The following PRKCA variants were observed in gnomAD, a reference collection of about 807,000 sequenced individuals.
PRKCA encodes the protein protein kinase C alpha type.
Under a neutral mutation model 87.0 loss-of-function variants are expected in PRKCA, and 27 were observed. The observed-to-expected ratio is 0.31, with a 90% CI of 0.23 to 0.43. PRKCA has a LOEUF of 0.43. Ranked by LOEUF, PRKCA falls within the 20% of genes least tolerant of loss-of-function variation. PRKCA has a pLI of 1.00. For missense variants in PRKCA, 518 were observed against 852.3 expected (o/e 0.61, Z 4.88); for synonymous variants, 329 against 311.1 (o/e 1.06, Z -0.61).
intron 3 of PRKCA, among the ~76,000 whole-genome samples, chr17:66,603,303 G>C (rs1256581438): frequency 6.6e-6 from 1 of 152,174 alleles, no homozygotes; most frequent in Non-Finnish European, 1.5e-5. Flanking sequence ...AAAGGAGCCA[G>C]AGAACACTAT....
intron 2 of PRKCA, among the ~76,000 whole-genome samples, chr17:66,383,530 C>A (rs1909886802): frequency 6.6e-6 from 1 of 152,136 alleles, no homozygotes; most frequent in African/African-American, 2.4e-5. Context: ...CCATCTGTTT[C>A]TGTTTAACAA....
intron 3 of PRKCA, among the ~76,000 whole-genome samples, chr17:66,626,730 C>T (rs1282069099): frequency 6.6e-6 from 1 of 152,112 alleles, no homozygotes; most frequent in Non-Finnish European, 1.5e-5. Context: ...TGGTCTCAAA[C>T]TCCTGGATTC....
At chr17:66,376,904 C>T (rs1296633384) in intron 2 of PRKCA, among the ~76,000 whole-genome samples, 3 of 152,148 alleles carry the variant, frequency 2.0e-5, no homozygotes, top group Non-Finnish European at 2.9e-5. Context: ...CTGCTGGTTT[C>T]AAGTGGTGGA....
intron 5 of PRKCA, among the ~76,000 whole-genome samples, chr17:66,680,836 A>T (rs1972471079): frequency 1.3e-5 from 2 of 152,188 alleles, no homozygotes; most frequent in South Asian, 2.1e-4. Flanking sequence ...TAGGTTCAGC[A>T]GTGTTGCCAC....
At chr17:66,523,830 G>A (rs938195791) in intron 3 of PRKCA, among the ~76,000 whole-genome samples, 2 of 152,202 alleles carry the variant, frequency 1.3e-5, no homozygotes, top group African/African-American at 2.4e-5. Flanking sequence ...CAGAGCGAGC[G>A]TCAGAGGGGC....
chr17:66,726,246 G>A (rs3889609), intron 8 of PRKCA, among the ~76,000 whole-genome samples: 1,818 of 151,666 alleles, frequency 0.012, 27 homozygotes, highest in African/African-American at 0.042. Flanking sequence ...GCAGGTGTTC[G>A]CAGGTGTGCA....
At position 66,641,374 on chromosome 17, in the gene PRKCA, A is replaced by G. The variant is rs1445801890; in HGVS notation, c.308A>G (p.Lys103Arg). 1.2e-6 allele frequency: 2 copies of G among 1,612,934 alleles called. No homozygotes were observed. The highest frequency in any genetic ancestry group is 2.2e-5 in the East Asian group (1 of 44,844). ...PDTDDPRSKH[K>R]FKIHTYGSPT... ...TCCCAGGACCCCAGGAGCAAGCACA[A>G]GTTCAAAATCCACACTTACGGAAGC... Residue 103 changes from lysine (K) to arginine (R), a missense_variant, in exon 4 of 17, where the codon AAG becomes AGG. This residue lies in a region of PRKCA where 300 missense variants were observed against 496.8 expected (regional missense o/e 0.60). Transcript: ENST00000413366.
At chr17:66,742,832 G>T in intron 13 of PRKCA, 72 bp downstream of exon 13, 1 of 1,534,098 alleles carries the variant, frequency 6.5e-7, no homozygotes, top group South Asian at 1.2e-5. Flanking sequence ...ATGGGTTATA[G>T]GGTCACTGGC....
intron 16 of PRKCA, among the ~76,000 whole-genome samples, chr17:66,789,336 G>T (rs757924499): frequency 2.0e-5 from 3 of 152,216 alleles, no homozygotes; most frequent in Non-Finnish European, 4.4e-5. Flanking sequence ...TCAGTCCTCA[G>T]CAGGACTCAG....
At chr17:66,308,506 T>G (rs1006273857) in intron 2 of PRKCA, among the ~76,000 whole-genome samples, 4 of 152,230 alleles carry the variant, frequency 2.6e-5, no homozygotes, top group Admixed American at 6.5e-5. Context: ...AGTGACTATG[T>G]GCTTTCTATA....
intron 2 of PRKCA, among the ~76,000 whole-genome samples, chr17:66,358,314 A>G (rs903404694): frequency 2.6e-5 from 4 of 152,204 alleles, no homozygotes; most frequent in Non-Finnish European, 4.4e-5. Context: ...TTGAATAATA[A>G]GTGTCATTCT....
At chr17:66,637,520 G>T (rs956529087) in intron 3 of PRKCA, among the ~76,000 whole-genome samples, 1 of 152,158 alleles carries the variant, frequency 6.6e-6, no homozygotes, top group Non-Finnish European at 1.5e-5. Context: ...CCATACTTCA[G>T]ACCGTGGACC....
At chr17:66,593,289 G>A (rs1969871297) in intron 3 of PRKCA, among the ~76,000 whole-genome samples, 1 of 152,152 alleles carries the variant, frequency 6.6e-6, no homozygotes, top group South Asian at 2.1e-4. Context: ...AGGGACCTGA[G>A]CTGCTTCCAT....
intron 5 of PRKCA, among the ~76,000 whole-genome samples, chr17:66,678,019 T>C (rs1032021418): frequency 6.6e-6 from 1 of 152,186 alleles, no homozygotes; most frequent in Non-Finnish European, 1.5e-5. Flanking sequence ...AGACATCAGA[T>C]CTTAATCCCT....
chr17:66,803,951 A>T lies in PRKCA; in HGVS notation c.1933A>T (p.Ile645Phe). 6.2e-7 allele frequency: 1 copy of T among 1,614,078 alleles called. No individual in the cohort carries two copies. Among genetic ancestry groups the T allele is most frequent in the Non-Finnish European group, 8.5e-7 (1 of 1,179,980 alleles). ...CTTAACACCACCTGATCAGCTGGTT[A>T]TTGCTAACATAGACCAGTCTGATTT... ...PVLTPPDQLV[I>F]ANIDQSDFEG... Residue 645 changes from isoleucine (I) to phenylalanine (F), a missense_variant, in exon 17 of 17, where the codon ATT (isoleucine) becomes TTT (phenylalanine). Around this residue, in one of 5 missense-constraint regions of PRKCA, gnomAD observed 159 missense variants for 232.4 expected, o/e 0.68. Coordinates refer to ENST00000413366, the MANE Select transcript of PRKCA (RefSeq NM_002737.3). This position sits in a 1 kb window ranked among gnomAD's most constrained non-coding sequence, Gnocchi z 4.4.
intron 2 of PRKCA, among the ~76,000 whole-genome samples, chr17:66,320,374 C>CT (rs1255955621): frequency 6.6e-6 from 1 of 151,228 alleles, no homozygotes; most frequent in Non-Finnish European, 1.5e-5. Context: ...ATCCAATACT[C>CT]TATTTTTTTT....
At chr17:66,445,066 G>C (rs1913964944) in intron 2 of PRKCA, among the ~76,000 whole-genome samples, 2 of 152,050 alleles carry the variant, frequency 1.3e-5, no homozygotes, top group Admixed American at 1.3e-4. Flanking sequence ...TTGTCATCCA[G>C]ATGTCGCCTT....
chr17:66,796,343 G>A (rs780011629), intron 16 of PRKCA: 89 of 734,126 alleles, frequency 1.2e-4, no homozygotes, highest in Non-Finnish European at 1.4e-4. Flanking sequence ...ATCAGCTCAC[G>A]TGGGTTTATA....
At chr17:66,358,444 G>T (rs1908196105) in intron 2 of PRKCA, among the ~76,000 whole-genome samples, 1 of 151,956 alleles carries the variant, frequency 6.6e-6, no homozygotes, top group African/African-American at 2.4e-5. Context: ...GTACCTAGAA[G>T]GTACTTTGCA....
Sources: allele counts gnomAD v4.1 joint callset (sites outside exome capture counted in the v4.1 genomes callset), GRCh38; gene constraint gnomAD v4.1.1; regional missense constraint gnomAD v4.1.1; non-coding constraint Gnocchi (gnomAD v3.1); transcripts MANE v1.5; gene names NCBI Gene and HGNC (gene_info 2026-07-23, HGNC 2026-07-21).